BCKDHB: variants seen among roughly 807,000 people sequenced by gnomAD.
BCKDHB encodes branched chain keto acid dehydrogenase E1 subunit beta.
Under a neutral mutation model 48.5 loss-of-function variants are expected in BCKDHB, and 41 were observed. The observed-to-expected ratio is 0.85, with a 90% CI of 0.66 to 1.10. The LOEUF is 1.10. BCKDHB is among the 50% of genes least tolerant of loss of function. BCKDHB has a pLI of 0.00. For missense variants in BCKDHB, 496 were observed against 494.2 expected (o/e 1.00, Z -0.03); for synonymous variants, 201 against 174.8 (o/e 1.15, Z -1.18).
At chr6:80,354,892 T>C in the BCKDHB span, among the ~76,000 whole-genome samples, 1 of 152,218 alleles carries the variant, frequency 6.6e-6, no homozygotes, top group East Asian at 1.9e-4. Flanking sequence ...ACTGTGCTCT[T>C]TTGATTACTA....
the BCKDHB span, among the ~76,000 whole-genome samples, chr6:80,376,419 T>C: frequency 1.7e-3 from 254 of 152,222 alleles, no homozygotes; most frequent in South Asian, 0.011. Flanking sequence ...GGCTGAGAAC[T>C]TGGCCCAGGC....
intron 8 of BCKDHB, among the ~76,000 whole-genome samples, chr6:80,240,211 G>T (rs1047300151): frequency 3.3e-5 from 5 of 152,182 alleles, no homozygotes; most frequent in African/African-American, 1.2e-4. Context: ...GATGGGGATG[G>T]CATTGAATCT....
chr6:80,272,416 G>A (rs947677120), intron 8 of BCKDHB, among the ~76,000 whole-genome samples: 2 of 152,138 alleles, frequency 1.3e-5, no homozygotes, highest in Non-Finnish European at 1.5e-5. Flanking sequence ...ATAACCTGCT[G>A]TTGATTTTAA....
At chr6:80,227,933 G>A (rs78726288) in intron 8 of BCKDHB, among the ~76,000 whole-genome samples, 5,475 of 152,160 alleles carry the variant, frequency 0.036, 319 homozygotes, top group African/African-American at 0.12. Context: ...TATGATTGTG[G>A]GATGAAAGAG....
intron 3 of BCKDHB, among the ~76,000 whole-genome samples, chr6:80,152,946 T>C (rs1582243524): frequency 6.6e-6 from 1 of 152,308 alleles, no homozygotes; most frequent in East Asian, 1.9e-4. Flanking sequence ...TGAAAAGAAC[T>C]GTGATCTCTT....
At chr6:80,210,283 A>T (rs1774862910) in intron 8 of BCKDHB, among the ~76,000 whole-genome samples, 1 of 152,156 alleles carries the variant, frequency 6.6e-6, no homozygotes, top group Admixed American at 6.6e-5. Flanking sequence ...TGAACTAAAA[A>T]TGTAATGGAA....
intron 8 of BCKDHB, among the ~76,000 whole-genome samples, chr6:80,253,351 G>A (rs1201556901): frequency 6.6e-6 from 1 of 152,182 alleles, no homozygotes; most frequent in Non-Finnish European, 1.5e-5. Context: ...TAGAGAGGAA[G>A]GTTGCAGGAA....
At chr6:80,430,670 C>T in the BCKDHB span, among the ~76,000 whole-genome samples, 3 of 152,140 alleles carry the variant, frequency 2.0e-5, no homozygotes, top group Non-Finnish European at 2.9e-5. Context: ...GTGATATCCC[C>T]TTTATCATTT....
Position 80,168,946 on chromosome 6 carries a change from G to C in BCKDHB, c.549G>C (p.Arg183=). 6.2e-7 allele frequency: 1 copy of C among 1,614,130 alleles called. No individual in the cohort carries two copies. Among genetic ancestry groups the C allele is most frequent in the Non-Finnish European group, 8.5e-7 (1 of 1,179,998 alleles). Residue 183 remains arginine (R), a synonymous_variant, in exon 5 of 10, where the codon CGG becomes CGC. Coordinates refer to ENST00000320393, the MANE Select transcript of BCKDHB (RefSeq NM_183050.4). The stretch of plus-strand genomic sequence containing the variant: ...TTAACTGTGGAAGCCTCACTATCCG[G>C]TCCCCTTGGGGCTGTGTTGGTCATG... The part of the protein sequence containing the change: ...DLFNCGSLTI[R]SPWGCVGHGA...
intron 1 of BCKDHB, among the ~76,000 whole-genome samples, chr6:80,109,998 A>G (rs1238315622): frequency 6.6e-6 from 1 of 152,222 alleles, no homozygotes; most frequent in African/African-American, 2.4e-5. Context: ...ATTGAAGAAC[A>G]TACTAACTTT....
At chr6:80,273,263 C>A (rs1202061804) in intron 9 of BCKDHB, 42 bp downstream of exon 9, 1 of 1,455,302 alleles carries the variant, frequency 6.9e-7, no homozygotes, top group South Asian at 1.1e-5. Context: ...TTGTGCAATT[C>A]CACATGCCAA....
intron 6 of BCKDHB, among the ~76,000 whole-genome samples, chr6:80,183,538 A>T (rs1055323696): frequency 1.3e-5 from 2 of 152,120 alleles, no homozygotes; most frequent in East Asian, 3.8e-4. Flanking sequence ...AGCCTTCCCC[A>T]TTGCCAACAT....
chr6:80,357,611 A>T, the BCKDHB span, among the ~76,000 whole-genome samples: 1 of 152,232 alleles, frequency 6.6e-6, no homozygotes, highest in Non-Finnish European at 1.5e-5. Context: ...CTGTTTAACT[A>T]CATACAAAAC....
chr6:80,354,009 A>AT, the BCKDHB span, among the ~76,000 whole-genome samples: 8 of 152,128 alleles, frequency 5.3e-5, no homozygotes, highest in East Asian at 1.5e-3. Context: ...GTATATTCAT[A>AT]TTTTTTGCCC....
chr6:80,282,474 C>A (rs1054041504), intron 9 of BCKDHB, among the ~76,000 whole-genome samples: 1 of 151,576 alleles, frequency 6.6e-6, no homozygotes, highest in South Asian at 2.1e-4. Flanking sequence ...GTTGTTCGTT[C>A]GATAGGAAAA....
chr6:80,295,316 A>C (rs1376248215), intron 9 of BCKDHB, among the ~76,000 whole-genome samples: 1 of 152,112 alleles, frequency 6.6e-6, no homozygotes, highest in Non-Finnish European at 1.5e-5. Flanking sequence ...ATGGCTGGGG[A>C]GGCCTCATAA....
At chr6:80,348,123 A>G (rs1302155336), downstream of BCKDHB, among the ~76,000 whole-genome samples, 2 of 152,174 alleles carry the variant, frequency 1.3e-5, no homozygotes, top group East Asian at 1.9e-4. Context: ...AAAAAAATGA[A>G]TAAGATTCAG....
intron 6 of BCKDHB, among the ~76,000 whole-genome samples, chr6:80,186,619 C>A (rs1232256384): frequency 6.6e-6 from 1 of 152,164 alleles, no homozygotes; most frequent in Non-Finnish European, 1.5e-5. Context: ...GGACTCTGCT[C>A]AGGAAAATTT....
chr6:80,344,224 C>A lies in BCKDHB; in HGVS notation c.*420C>A. 1 of 265,238 alleles carries A rather than the reference C, an allele frequency of 3.8e-6. No individual in the cohort carries two copies. Among genetic ancestry groups the A allele is most frequent in the South Asian group, 4.3e-5 (1 of 23,502 alleles). 16.4% of individuals were successfully genotyped at this position (265,238 alleles called of 1,614,324 possible). ...GTCACTATGTTGGCTCAGCTGATTTCAAATTCCTGACCTCAAGTGATCCAC... is the reference window on the plus strand; with the variant it reads ...GTCACTATGTTGGCTCAGCTGATTTAAAATTCCTGACCTCAAGTGATCCAC... On this transcript the variant is annotated 3_prime_UTR_variant, in exon 10 of 10. Coordinates refer to ENST00000320393, the MANE Select transcript of BCKDHB (RefSeq NM_183050.4).
Sources: gnomAD v4.1 joint callset for allele counts (sites outside exome capture counted in the v4.1 genomes callset) on GRCh38, gnomAD v4.1.1 for gene constraint, MANE v1.5 for transcripts, NCBI Gene and HGNC (gene_info 2026-07-23, HGNC 2026-07-21) for gene names.